Variants in KDM6A observed in about 807,000 individuals in gnomAD.
KDM6A encodes lysine-specific demethylase 6A.
Under a neutral mutation model 117.6 loss-of-function variants are expected in KDM6A, and 11 were observed. The ratio of observed to expected loss-of-function variants is 0.09; its 90% CI spans 0.06 to 0.15. The LOEUF is 0.15. Ranked by LOEUF, KDM6A falls within the 10% of genes least tolerant of loss-of-function variation. KDM6A has a pLI of 1.00. For missense variants in KDM6A, 799 were observed against 1,077.3 expected (o/e 0.74, Z 3.62); for synonymous variants, 384 against 396.1 (o/e 0.97, Z 0.36).
chrX:45,071,675 C>T (rs2044838103), intron 18 of KDM6A, among the ~76,000 whole-genome samples: 1 of 111,651 alleles, frequency 9.0e-6, no homozygotes. Context: ...CTATAAATTA[C>T]ACTATAGTCA....
At chrX:44,995,578 T>C (rs1212923717) in intron 4 of KDM6A, among the ~76,000 whole-genome samples, 3 of 110,423 alleles carry the variant, frequency 2.7e-5, no homozygotes, top group Admixed American at 9.7e-5. Context: ...TTCAAGCAAG[T>C]CTCCTGTCTC....
chrX:45,082,188 C>A (rs760275524), intron 21 of KDM6A, among the ~76,000 whole-genome samples: 8 of 110,670 alleles, frequency 7.2e-5, no homozygotes, highest in African/African-American at 2.6e-4. Context: ...CCTGTAATCC[C>A]AGCACTTTGG....
At chrX:44,941,776 G>A (rs1382054176) in intron 2 of KDM6A, among the ~76,000 whole-genome samples, 1 of 110,238 alleles carries the variant, frequency 9.1e-6, no homozygotes, top group Non-Finnish European at 1.9e-5. Context: ...ACCGCGACTG[G>A]CAATTCTGTA....
At chrX:44,965,419 T>C (rs1294623031) in intron 3 of KDM6A, among the ~76,000 whole-genome samples, 1 of 112,418 alleles carries the variant, frequency 8.9e-6, no homozygotes, top group East Asian at 2.8e-4. Flanking sequence ...CTCACTAAGC[T>C]TAATGATTTC....
chrX:45,054,001 A>G, intron 10 of KDM6A, 46 bp downstream of exon 10: 1 of 1,149,129 alleles, frequency 8.7e-7, no homozygotes, highest in Non-Finnish European at 1.2e-6. Context: ...TATTCCAGCT[A>G]AGAGATTTGA....
chrX:45,076,593 C>CA, intron 18 of KDM6A, 104 bp from the exon 19 acceptor site: 1 of 580,583 alleles, frequency 1.7e-6, no homozygotes, highest in South Asian at 2.8e-5. Flanking sequence ...TGGACTTGTG[C>CA]AAATGCCTAG....
intron 27 of KDM6A, among the ~76,000 whole-genome samples, chrX:45,103,313 T>C (rs979245861): frequency 9.0e-6 from 1 of 111,155 alleles, no homozygotes; most frequent in African/African-American, 3.3e-5. Flanking sequence ...TACTACCTTC[T>C]TGTGGCATTC....
chrX:45,035,316 G>A (rs1044526647), intron 7 of KDM6A, among the ~76,000 whole-genome samples: 1 of 111,933 alleles, frequency 8.9e-6, no homozygotes, highest in African/African-American at 3.2e-5. Context: ...TAGGAAACAT[G>A]AGTATATAAA....
intron 27 of KDM6A, 31 bp from the exon 28 acceptor site, chrX:45,107,379 C>T (rs1296437594): frequency 2.5e-6 from 3 of 1,189,315 alleles, no homozygotes; most frequent in Non-Finnish European, 3.4e-6. Flanking sequence ...TATTCAGTTG[C>T]TGGTCACAAA....
chrX:44,945,512 A>C (rs2147069234), intron 2 of KDM6A, among the ~76,000 whole-genome samples: 1 of 111,072 alleles, frequency 9.0e-6, no homozygotes, highest in African/African-American at 3.3e-5. Flanking sequence ...ATATCACTTC[A>C]GTAATTCAAA....
intron 24 of KDM6A, among the ~76,000 whole-genome samples, chrX:45,084,953 G>A (rs927865406): frequency 1.8e-5 from 2 of 111,702 alleles, no homozygotes; most frequent in Non-Finnish European, 3.8e-5. Flanking sequence ...AGGTGGGTGG[G>A]TTGGTTGGTT....
At chrX:45,027,224 C>A (rs1173660016) in intron 6 of KDM6A, among the ~76,000 whole-genome samples, 1 of 108,660 alleles carries the variant, frequency 9.2e-6, no homozygotes, top group Non-Finnish European at 1.9e-5. Context: ...GCCTGTAATC[C>A]CAGCACTTTG....
At chrX:44,911,962 G>A (rs974615811) in intron 2 of KDM6A, among the ~76,000 whole-genome samples, 2 of 104,490 alleles carry the variant, frequency 1.9e-5, no homozygotes, top group Admixed American at 2.0e-4. Flanking sequence ...GTTGCAGTGA[G>A]TAGAGATGGT....
At position 44,892,484 on chromosome X, in the gene KDM6A, C is replaced by T. The variant is rs62593464; in HGVS notation, c.225+18497C>T. On this transcript the variant is annotated intron_variant, in intron 2 of 29. Transcript: ENST00000611820. ...TGGGTGGATCACGAGGTCAGGAGAT[C>T]GAGACCATCCTGGCAAAACATGGTG... is the stretch of plus-strand genomic sequence containing the variant. Among the ~76,000 whole-genome samples, 262 of 106,827 alleles carry T rather than the reference C, an allele frequency of 2.5e-3. 1 individual carries two copies. The highest frequency in any genetic ancestry group is 4.2e-3 in the Non-Finnish European group (218 of 51,813). 92.8% of individuals were successfully genotyped at this position (106,827 alleles called of 115,157 possible). A position where few individuals can be genotyped will look rare whatever the true frequency, so the allele number is the denominator to read the frequency against.
At chrX:45,068,566 A>T (rs1335986100) in intron 17 of KDM6A, among the ~76,000 whole-genome samples, 3 of 105,905 alleles carry the variant, frequency 2.8e-5, no homozygotes, top group Non-Finnish European at 5.8e-5. Flanking sequence ...TTTTTTAAAA[A>T]AAAAAAAAAA....
intron 3 of KDM6A, among the ~76,000 whole-genome samples, chrX:44,972,628 G>A (rs998145701): frequency 9.0e-6 from 1 of 111,308 alleles, no homozygotes; most frequent in African/African-American, 3.3e-5. Context: ...GTGTGCTGGG[G>A]CATGTGTGAC....
intron 6 of KDM6A, among the ~76,000 whole-genome samples, chrX:45,029,527 G>A (rs1467738495): frequency 1.8e-5 from 2 of 108,959 alleles, no homozygotes; most frequent in African/African-American, 6.7e-5. Flanking sequence ...CCCAAGAATC[G>A]CTTGAACTGG....
At chrX:44,959,653 A>G (rs1022045517) in intron 2 of KDM6A, among the ~76,000 whole-genome samples, 1 of 111,504 alleles carries the variant, frequency 9.0e-6, no homozygotes, top group Non-Finnish European at 1.9e-5. Context: ...AAGAATTGTA[A>G]TGTATCCCAA....
chrX:44,899,224 C>CGTGTGCGTGT (rs2034154147), intron 2 of KDM6A, among the ~76,000 whole-genome samples: 1 of 49,290 alleles, frequency 2.0e-5, no homozygotes, highest in South Asian at 1.5e-3. Context: ...TGTGTGTATG[C>CGTGTGCGTGT]GTGTGTGTGT....
Sources: gnomAD v4.1 joint callset for allele counts (sites outside exome capture counted in the v4.1 genomes callset) on GRCh38, gnomAD v4.1.1 for gene constraint, MANE v1.5 for transcripts, NCBI Gene and HGNC (gene_info 2026-07-23, HGNC 2026-07-21) for gene names.